The following LRRC8C variants were observed in gnomAD, a reference collection of about 807,000 sequenced individuals.
LRRC8C encodes the protein volume-regulated anion channel subunit LRRC8C.
A neutral mutation model predicts 55.3 loss-of-function variants in LRRC8C; 20 were observed. The observed-to-expected ratio is 0.36, with a 90% CI of 0.25 to 0.53. LRRC8C has a LOEUF of 0.53. Among genes scored for constraint, LRRC8C ranks in the 20% least tolerant of loss-of-function variants. The pLI is 0.92. For missense variants in LRRC8C, 659 were observed against 951.4 expected, an observed-to-expected ratio of 0.69 and a Z score of 4.04; for synonymous variants, 376 against 360.7, an observed-to-expected ratio of 1.04 and a Z score of -0.48.
intron 1 of LRRC8C, among the ~76,000 whole-genome samples, chr1:89,666,085 C>T (rs773674843): frequency 1.2e-4 from 18 of 152,230 alleles, no homozygotes; most frequent in Non-Finnish European, 2.5e-4. Context: ...GACATCCACA[C>T]GACAAAATTG....
chr1:89,688,960 C>T (rs1405611223), intron 2 of LRRC8C, among the ~76,000 whole-genome samples: 5 of 152,124 alleles, frequency 3.3e-5, no homozygotes, highest in Non-Finnish European at 7.3e-5. Flanking sequence ...GCTTTTAAGC[C>T]AGGGTAAGTT....
At chr1:89,623,186 G>A in the LRRC8C span, among the ~76,000 whole-genome samples, 12 of 149,302 alleles carry the variant, frequency 8.0e-5, no homozygotes, top group South Asian at 8.6e-4. Context: ...ACACACATGC[G>A]CACACACACA....
At chr1:89,639,041 A>C (rs1656381387) in intron 1 of LRRC8C, among the ~76,000 whole-genome samples, 1 of 136,140 alleles carries the variant, frequency 7.3e-6, no homozygotes, top group Admixed American at 7.8e-5. Context: ...GCTGGAGTGC[A>C]GTGACGCGAT....
chr1:89,624,372 A>G, the LRRC8C span, among the ~76,000 whole-genome samples: 1 of 152,204 alleles, frequency 6.6e-6, no homozygotes. Context: ...ATAGTCACCA[A>G]TAATAGACTA....
At chr1:89,704,681 A>C (rs1438309327) in intron 2 of LRRC8C, among the ~76,000 whole-genome samples, 2 of 152,268 alleles carry the variant, frequency 1.3e-5, no homozygotes, top group South Asian at 4.1e-4. Context: ...AATGCTCACC[A>C]TCACTGGCCA....
chr1:89,685,327 G>A (rs1489590011), intron 1 of LRRC8C, among the ~76,000 whole-genome samples: 1 of 139,170 alleles, frequency 7.2e-6, no homozygotes. Context: ...ACGTTAGCCA[G>A]GATGGTCTTG....
At chr1:89,709,582 C>T (rs1658585378) in intron 2 of LRRC8C, among the ~76,000 whole-genome samples, 2 of 152,050 alleles carry the variant, frequency 1.3e-5, no homozygotes, top group Admixed American at 1.3e-4. Context: ...GGAGCAAGCC[C>T]GGGGGAGGGT....
intron 1 of LRRC8C, among the ~76,000 whole-genome samples, chr1:89,665,608 T>G (rs1038095727): frequency 6.6e-6 from 1 of 152,228 alleles, no homozygotes; most frequent in African/African-American, 2.4e-5. Context: ...CCAAATGTTA[T>G]TATGAAAGCA....
chr1:89,676,476 G>A (rs1657551167), intron 1 of LRRC8C: 1 of 152,152 alleles, frequency 6.6e-6, no homozygotes, highest in Admixed American at 6.5e-5. Context: ...GAGCTATTTG[G>A]TAATAGTCTC....
chr1:89,658,652 C>T (rs1657015052), intron 1 of LRRC8C, among the ~76,000 whole-genome samples: 2 of 152,166 alleles, frequency 1.3e-5, no homozygotes, highest in Admixed American at 6.5e-5. Context: ...TCCAAAACTA[C>T]ACAATTGATA....
Position 89,689,706 on chromosome 1 carries a change from C to T in LRRC8C, c.138+3095C>T, listed in dbSNP as rs555308756. On this transcript the variant is annotated intron_variant, in intron 2 of 2. Transcript: ENST00000370454. ...CTGTAATCCCAACACTTTGGGAGAC[C>T]GAGGTGGGTGGCTCACCTGGGGTCA... Among the ~76,000 whole-genome samples, 24 of 152,008 alleles carry T rather than the reference C, an allele frequency of 1.6e-4. No homozygotes were observed. The East Asian group carries it at 4.6e-3, about 29-fold the overall frequency.
chr1:89,630,070 T>C (rs1002968727), upstream of LRRC8C, among the ~76,000 whole-genome samples: 1 of 152,150 alleles, frequency 6.6e-6, no homozygotes, highest in Non-Finnish European at 1.5e-5. Flanking sequence ...GTCAGGAGGA[T>C]GAGGCAAGGA....
rs1335581415 is a variant in LRRC8C, at chr1:89,714,627, G to A, written c.2057G>A (p.Arg686Gln). Residue 686 changes from arginine to glutamine, a missense_variant, in exon 3 of 3, where the codon CGA (arginine) becomes CAA (glutamine). Arg to Gln is a conservative substitution (Grantham distance 43). Coordinates refer to ENST00000370454, the MANE Select transcript of LRRC8C (RefSeq NM_032270.5). The surrounding 1 kb of genome is among the most constrained non-coding windows in gnomAD (Gnocchi z 4.6). ...CACCTCTTCCTATGCAACAAGATCC[G>A]ATACTTGGACTTATCGTACAATGAC... is the stretch of plus-strand genomic sequence containing the variant. ...PSHLFLCNKI[R>Q]YLDLSYNDIR... 6 of 1,613,898 alleles carry A rather than the reference G, an allele frequency of 3.7e-6. No homozygotes were observed. The highest frequency in any genetic ancestry group is 1.7e-5 in the Admixed American group (1 of 59,986).
At chr1:89,658,782 A>G (rs549842553) in intron 1 of LRRC8C, among the ~76,000 whole-genome samples, 1 of 152,334 alleles carries the variant, frequency 6.6e-6, no homozygotes, top group East Asian at 1.9e-4. Context: ...GAAATGAACT[A>G]CCTGTACTCT....
At chr1:89,690,013 A>G (rs1277701800) in intron 2 of LRRC8C, among the ~76,000 whole-genome samples, 4 of 152,148 alleles carry the variant, frequency 2.6e-5, no homozygotes, top group Non-Finnish European at 5.9e-5. Context: ...TTGTTTGTAA[A>G]CATGTTAGGT....
intron 1 of LRRC8C, among the ~76,000 whole-genome samples, chr1:89,683,420 C>T (rs6664284): frequency 0.97 from 147,128 of 151,472 alleles, 71,590 homozygotes; most frequent in Middle Eastern, 1. Flanking sequence ...TGCAGTGGTG[C>T]GATCTCGGCT....
At position 89,714,186 on chromosome 1, in the gene LRRC8C, G is replaced by A. The variant is rs754219189; in HGVS notation, c.1616G>A (p.Arg539Gln). Reference sequence around the variant, plus strand: ...AGAAATGTCACCCTTGAGTCTCTGCGGGATCTCAAAAGCCTTAAAATTCTC... The same window carrying A: ...AGAAATGTCACCCTTGAGTCTCTGCAGGATCTCAAAAGCCTTAAAATTCTC... Reference protein sequence around the residue: ...ISRNVTLESLRDLKSLKILSI... With the variant: ...ISRNVTLESLQDLKSLKILSI... Residue 539 changes from arginine to glutamine, a missense_variant, in exon 3 of 3, where the codon CGG (arginine) becomes CAG (glutamine). Physicochemically the swap from Arg to Gln is conservative, Grantham distance 43. This residue lies in a region of LRRC8C where 344 missense variants were observed against 464.6 expected (regional missense o/e 0.74). Transcript: ENST00000370454. The surrounding 1 kb of genome is among the most constrained non-coding windows in gnomAD (Gnocchi z 4.6). 3.7e-6 allele frequency: 6 copies of A among 1,613,944 alleles called. No individual in the cohort carries two copies. The highest frequency in any genetic ancestry group is 1.3e-5 in the African/African-American group (1 of 74,980).
At chr1:89,617,633 CACTA>C in the LRRC8C span, among the ~76,000 whole-genome samples, 3 of 152,276 alleles carry the variant, frequency 2.0e-5, no homozygotes, top group East Asian at 3.9e-4. Context: ...TGAATTCTGA[CACTA>C]ACTACCAGAA....
chr1:89,664,399 A>G (rs1230439631), intron 1 of LRRC8C, among the ~76,000 whole-genome samples: 1 of 151,994 alleles, frequency 6.6e-6, no homozygotes, highest in African/African-American at 2.4e-5. Context: ...TAAATAGGGA[A>G]CCCTTTCCCC....
Sources: gnomAD v4.1 joint callset for allele counts (sites outside exome capture counted in the v4.1 genomes callset) on GRCh38, gnomAD v4.1.1 for gene constraint, gnomAD v4.1.1 regional missense constraint, Gnocchi (gnomAD v3.1) non-coding constraint, MANE v1.5 for transcripts, NCBI Gene and HGNC (gene_info 2026-07-23, HGNC 2026-07-21) for gene names.